The following SLC8A1 variants were observed in gnomAD, a reference collection of about 807,000 sequenced individuals.
SLC8A1 encodes sodium/calcium exchanger 1.
SLC8A1 carries 18 observed loss-of-function variants against 68.3 expected under a neutral mutation model. The observed-to-expected ratio is 0.26, with a 90% CI of 0.18 to 0.39. The LOEUF is 0.39. SLC8A1 is among the 10% of genes least tolerant of loss of function. The pLI is 1.00. For synonymous variants in SLC8A1, 475 were observed against 415.5 expected (o/e 1.14, Z -1.74); for missense variants, 985 against 1,156.7 (o/e 0.85, Z 2.15).
intron 2 of SLC8A1, among the ~76,000 whole-genome samples, chr2:40,351,279 G>C (rs1670998325): frequency 6.6e-6 from 1 of 152,068 alleles, no homozygotes; most frequent in Non-Finnish European, 1.5e-5. Context: ...CTACAGATTT[G>C]AAACATGCCA....
At chr2:40,373,060 G>C (rs938383229) in intron 2 of SLC8A1, among the ~76,000 whole-genome samples, 4 of 150,406 alleles carry the variant, frequency 2.7e-5, no homozygotes, top group African/African-American at 9.8e-5. Context: ...CTATGTCCTA[G>C]CCATAAATTG....
intron 4 of SLC8A1, among the ~76,000 whole-genome samples, chr2:40,168,463 A>G (rs1000746121): frequency 6.6e-6 from 1 of 152,168 alleles, no homozygotes; most frequent in Admixed American, 6.5e-5. Flanking sequence ...ACTTTTATTT[A>G]TATGTAACTG....
chr2:40,278,871 T>TA (rs1457328512), intron 2 of SLC8A1, among the ~76,000 whole-genome samples: 10 of 151,928 alleles, frequency 6.6e-5, no homozygotes, highest in Non-Finnish European at 1.5e-4. Context: ...AGGTTTTTTT[T>TA]AAATTATTAT....
At chr2:40,410,887 G>GTATATAAC (rs1312408477) in intron 2 of SLC8A1, among the ~76,000 whole-genome samples, 1 of 152,034 alleles carries the variant, frequency 6.6e-6, no homozygotes, top group Non-Finnish European at 1.5e-5. Context: ...AAGTTCAGGA[G>GTATATAAC]TATATAACTA....
intron 2 of SLC8A1, among the ~76,000 whole-genome samples, chr2:40,383,365 T>C (rs1575911649): frequency 6.6e-6 from 1 of 152,228 alleles, no homozygotes; most frequent in East Asian, 1.9e-4. Context: ...AGAATTGCTC[T>C]TATCCTTCGC....
At chr2:40,206,128 A>G (rs2055396043) in intron 2 of SLC8A1, among the ~76,000 whole-genome samples, 1 of 152,086 alleles carries the variant, frequency 6.6e-6, no homozygotes, top group Admixed American at 6.6e-5. Context: ...TCACAATTAT[A>G]ATTGAATCAA....
At chr2:40,245,407 T>C (rs1263141706) in intron 2 of SLC8A1, among the ~76,000 whole-genome samples, 2 of 152,176 alleles carry the variant, frequency 1.3e-5, no homozygotes, top group African/African-American at 4.8e-5. Context: ...AAAGGCCACG[T>C]GTCCACCAGA....
At chr2:40,279,260 G>C (rs1216250157) in intron 2 of SLC8A1, among the ~76,000 whole-genome samples, 1 of 152,100 alleles carries the variant, frequency 6.6e-6, no homozygotes, top group Non-Finnish European at 1.5e-5. Flanking sequence ...GCAATTTTCT[G>C]GCTCCCTTAT....
chr2:40,218,382 CTG>C (rs1212549113), intron 2 of SLC8A1, among the ~76,000 whole-genome samples: 1 of 152,130 alleles, frequency 6.6e-6, no homozygotes, highest in African/African-American at 2.4e-5. Context: ...GCTAGAAAGA[CTG>C]TTTCTAAATA....
intron 2 of SLC8A1, among the ~76,000 whole-genome samples, chr2:40,227,287 T>A (rs1398691225): frequency 6.6e-6 from 1 of 152,108 alleles, no homozygotes; most frequent in Non-Finnish European, 1.5e-5. Context: ...ATATCTTCCC[T>A]ACTGTTTTTC....
intron 2 of SLC8A1, among the ~76,000 whole-genome samples, chr2:40,248,199 C>G (rs899485649): frequency 6.6e-6 from 1 of 152,024 alleles, no homozygotes; most frequent in African/African-American, 2.4e-5. Flanking sequence ...AAATAAAGTA[C>G]CAATTAGTTG....
At chr2:40,362,207 T>A (rs1269622594) in intron 2 of SLC8A1, among the ~76,000 whole-genome samples, 1 of 151,822 alleles carries the variant, frequency 6.6e-6, no homozygotes, top group Non-Finnish European at 1.5e-5. Flanking sequence ...CATCTTCTTA[T>A]AATGACTAAG....
intron 2 of SLC8A1, among the ~76,000 whole-genome samples, chr2:40,259,911 G>A (rs1442764529): frequency 6.6e-6 from 1 of 152,004 alleles, no homozygotes; most frequent in African/African-American, 2.4e-5. Flanking sequence ...CGCTGCACAG[G>A]CACCTCTCAC....
intron 1 of SLC8A1, among the ~76,000 whole-genome samples, chr2:40,468,329 A>G (rs1703812962): frequency 6.6e-6 from 1 of 152,160 alleles, no homozygotes; most frequent in Admixed American, 6.6e-5. Flanking sequence ...TCTACATATT[A>G]CTATTATTGG....
intron 2 of SLC8A1, among the ~76,000 whole-genome samples, chr2:40,348,256 C>T (rs1669966271): frequency 6.6e-6 from 1 of 152,148 alleles, no homozygotes; most frequent in African/African-American, 2.4e-5. Context: ...TTTAATTGCT[C>T]TGAAGACATA....
At chr2:40,256,031 G>C (rs967086276) in intron 2 of SLC8A1, among the ~76,000 whole-genome samples, 52 of 152,194 alleles carry the variant, frequency 3.4e-4, no homozygotes, top group African/African-American at 1.2e-3. Context: ...ACTGTTCCTA[G>C]TGCTGTATGG....
chr2:40,347,837 C>A (rs546906284), intron 2 of SLC8A1, among the ~76,000 whole-genome samples: 1 of 152,140 alleles, frequency 6.6e-6, no homozygotes, highest in Admixed American at 6.6e-5. Context: ...AAAGTCCATA[C>A]ATTTTCATCT....
chr2:40,168,337 G>T (rs2046900896), intron 4 of SLC8A1, among the ~76,000 whole-genome samples: 2 of 152,128 alleles, frequency 1.3e-5, no homozygotes, highest in African/African-American at 2.4e-5. Flanking sequence ...GAAGGTGATG[G>T]TAAGGATAGA....
intron 2 of SLC8A1, among the ~76,000 whole-genome samples, chr2:40,381,927 C>T (rs960030919): frequency 3.3e-5 from 5 of 151,892 alleles, no homozygotes; most frequent in Admixed American, 2.6e-4. Context: ...CATTTCTTCC[C>T]TGCTCTACAA....
Sources: allele counts gnomAD v4.1 joint callset (sites outside exome capture counted in the v4.1 genomes callset), GRCh38; gene constraint gnomAD v4.1.1; transcripts MANE v1.5; gene names NCBI Gene and HGNC (gene_info 2026-07-23, HGNC 2026-07-21).